The following GPC6 variants were observed in gnomAD, a reference collection of about 807,000 sequenced individuals.
GPC6 encodes the protein glypican 6, also known as glypican-6.
In GPC6, 14 loss-of-function variants were observed where a neutral mutation model predicts 55.2. The observed-to-expected ratio is 0.25, with a 90% CI of 0.17 to 0.40. The LOEUF (loss-of-function observed/expected upper bound fraction) is 0.40, where lower values mean the gene tolerates loss of function less well. Among genes scored for constraint, GPC6 ranks in the 10% least tolerant of loss-of-function variants. GPC6 has a pLI of 1.00. For missense variants in GPC6, 641 were observed against 708.5 expected (o/e 0.90, Z 1.08); for synonymous variants, 278 against 259.6 (o/e 1.07, Z -0.68).
At chr13:93,991,792 C>G (rs997442806) in intron 3 of GPC6, among the ~76,000 whole-genome samples, 1 of 152,082 alleles carries the variant, frequency 6.6e-6, no homozygotes, top group Non-Finnish European at 1.5e-5. Context: ...CACCATTACC[C>G]ATCACCTACA....
At chr13:93,383,474 C>T (rs944681364) in intron 1 of GPC6, among the ~76,000 whole-genome samples, 1 of 152,176 alleles carries the variant, frequency 6.6e-6, no homozygotes, top group African/African-American at 2.4e-5. Flanking sequence ...GCCTTGCCCT[C>T]CTAAAATGTT....
chr13:93,819,565 G>A (rs569327685), intron 2 of GPC6, among the ~76,000 whole-genome samples: 3 of 152,270 alleles, frequency 2.0e-5, no homozygotes, highest in South Asian at 2.1e-4. Flanking sequence ...GCAGATTTGC[G>A]GGCCAGGCCC....
rs548367198 is a variant in GPC6 at position 93,472,424 on chromosome 13, G to A, written c.161-72839G>A. 4.6e-5 allele frequency among the ~76,000 whole-genome samples: 7 copies of A among 152,238 alleles called. No homozygotes were observed. In the South Asian group the frequency reaches 8.3e-4, roughly 18 times the overall value. On this transcript the variant is annotated intron_variant, in intron 1 of 8. Transcript: ENST00000377047. Reference sequence around the variant, plus strand: ...GGGTGTGTGAGCAAGTGTGGGGTCCGGCCACTGTGCTGTAGACACGCTGGC... The same window carrying A: ...GGGTGTGTGAGCAAGTGTGGGGTCCAGCCACTGTGCTGTAGACACGCTGGC...
chr13:93,232,984 A>G (rs1876113256), intron 1 of GPC6, among the ~76,000 whole-genome samples: 1 of 152,164 alleles, frequency 6.6e-6, no homozygotes. Flanking sequence ...TAGAAAGGCC[A>G]GTAAGGTGAT....
chr13:94,355,506 T>C (rs533033848), intron 6 of GPC6, among the ~76,000 whole-genome samples: 2 of 152,308 alleles, frequency 1.3e-5, no homozygotes, highest in East Asian at 3.9e-4. Context: ...AATGCAAAAG[T>C]AGTCCATGAG....
At chr13:93,818,808 GGAAAT>G (rs1328661288) in intron 2 of GPC6, 4 of 152,162 alleles carry the variant, frequency 2.6e-5, no homozygotes, top group African/African-American at 9.7e-5. Context: ...AGAAGGGAAA[GGAAAT>G]GAAGGAAAGA....
At chr13:94,017,689 T>C (rs1246135807) in intron 3 of GPC6, among the ~76,000 whole-genome samples, 1 of 151,844 alleles carries the variant, frequency 6.6e-6, no homozygotes, top group Non-Finnish European at 1.5e-5. Flanking sequence ...TTGTTGTTTT[T>C]ATTTTTTGAG....
rs369468791 is a variant in GPC6 at position 94,395,974 on chromosome 13, G to A, written c.1290-2492G>A. ...ATCAGCCAATGGGAGGCAGCAGCTG[G>A]AGGTCAAGAGGCGGGACTAAAGGGG... On this transcript the variant is annotated intron_variant, in intron 7 of 8. Coordinates refer to ENST00000377047, the MANE Select transcript of GPC6 (RefSeq NM_005708.5). 4.5e-4 allele frequency among the ~76,000 whole-genome samples: 69 copies of A among 152,350 alleles called. No individual in the cohort carries two copies. The East Asian group carries it at 8.5e-3, about 19-fold the overall frequency.
chr13:93,735,474 G>A (rs1347702222), intron 2 of GPC6, among the ~76,000 whole-genome samples: 1 of 151,040 alleles, frequency 6.6e-6, no homozygotes, highest in Non-Finnish European at 1.5e-5. Context: ...TGGGGTTGCA[G>A]TGAGCCATTG....
At chr13:94,007,705 T>C (rs1253290680) in intron 3 of GPC6, among the ~76,000 whole-genome samples, 1 of 152,144 alleles carries the variant, frequency 6.6e-6, no homozygotes, top group African/African-American at 2.4e-5. Context: ...TCAATCAGTA[T>C]GCTTATGTCC....
chr13:94,286,697 C>T (rs1460600388), intron 5 of GPC6, among the ~76,000 whole-genome samples: 4 of 152,118 alleles, frequency 2.6e-5, no homozygotes, highest in Non-Finnish European at 5.9e-5. Context: ...TACTCAATCA[C>T]GAAGAAATTA....
chr13:93,696,287 T>G (rs1383622371), intron 2 of GPC6, among the ~76,000 whole-genome samples: 1 of 152,140 alleles, frequency 6.6e-6, no homozygotes, highest in African/African-American at 2.4e-5. Context: ...TTCACAAACT[T>G]TGAATATTTA....
At chr13:94,359,020 C>T (rs765562740) in intron 6 of GPC6, among the ~76,000 whole-genome samples, 3 of 152,172 alleles carry the variant, frequency 2.0e-5, no homozygotes, top group African/African-American at 2.4e-5. Flanking sequence ...TGAAGTTTGT[C>T]CTTTCCTCTC....
intron 3 of GPC6, among the ~76,000 whole-genome samples, chr13:93,846,899 A>G (rs537012462): frequency 3.9e-5 from 6 of 152,172 alleles, no homozygotes; most frequent in Non-Finnish European, 7.3e-5. Context: ...TATGGAGATA[A>G]TGTTTTAATA....
In GPC6 at chr13:94,407,591, C is replaced by T. The variant is rs1200908468; in HGVS notation, c.*4374C>T. Among the ~76,000 whole-genome samples the T allele has an allele frequency of 6.6e-6, 1 of 152,126 alleles. No homozygotes were observed. Among genetic ancestry groups the T allele is most frequent in the Non-Finnish European group, 1.5e-5 (1 of 67,980 alleles). On this transcript the variant is annotated 3_prime_UTR_variant, in exon 9 of 9. Transcript: ENST00000377047. ...ATCAGGAACTATTTGAACTTTAGAA[C>T]ATTTAGAGCTTCCCAAATGTGTATG...
At chr13:93,917,578 T>A (rs1748952094) in intron 3 of GPC6, among the ~76,000 whole-genome samples, 1 of 152,220 alleles carries the variant, frequency 6.6e-6, no homozygotes, top group Non-Finnish European at 1.5e-5. Flanking sequence ...GCTCTGTTCA[T>A]GCCTGAGGGC....
chr13:94,131,118 A>G (rs568806593), intron 4 of GPC6, among the ~76,000 whole-genome samples: 79 of 152,238 alleles, frequency 5.2e-4, no homozygotes, highest in African/African-American at 1.8e-3. Context: ...TGAGAAAAAG[A>G]TTTACAACAT....
intron 2 of GPC6, among the ~76,000 whole-genome samples, chr13:93,701,279 C>T (rs983274127): frequency 7.9e-5 from 12 of 152,178 alleles, no homozygotes; most frequent in African/African-American, 2.6e-4. Flanking sequence ...TAGACAACCA[C>T]AGTAAAGCAA....
intron 1 of GPC6, among the ~76,000 whole-genome samples, chr13:93,530,557 GTA>G (rs1881827776): frequency 6.6e-6 from 1 of 152,040 alleles, no homozygotes; most frequent in Admixed American, 6.6e-5. Flanking sequence ...ACAATATATA[GTA>G]CTCTTAGCTC....
Sources: allele counts gnomAD v4.1 joint callset (sites outside exome capture counted in the v4.1 genomes callset), GRCh38; gene constraint gnomAD v4.1.1; transcripts MANE v1.5; gene names NCBI Gene and HGNC (gene_info 2026-07-23, HGNC 2026-07-21).